The following CD6 variants were observed in gnomAD, a reference collection of about 807,000 sequenced individuals.
CD6 encodes the protein T-cell differentiation antigen CD6.
In CD6, 53 loss-of-function variants were observed where a neutral mutation model predicts 75.3. The observed-to-expected ratio is 0.70, with a 90% CI of 0.56 to 0.88. The LOEUF (loss-of-function observed/expected upper bound fraction) is 0.88. CD6 is among the 40% of genes least tolerant of loss of function. The probability of loss-of-function intolerance (pLI) is 0.00; values close to 1 mark genes in which losing one functional copy is unlikely to be tolerated. For synonymous variants in CD6, 359 were observed against 381.5 expected (o/e 0.94, Z 0.69); for missense variants, 770 against 897.1 (o/e 0.86, Z 1.81).
intron 1 of CD6, among the ~76,000 whole-genome samples, chr11:60,993,642 T>C (rs866015535): frequency 6.6e-6 from 1 of 152,162 alleles, no homozygotes; most frequent in Non-Finnish European, 1.5e-5. Flanking sequence ...TCAGCAGAGA[T>C]GGGTTTAGAT....
At position 61,009,804 on chromosome 11, in the gene CD6, C is replaced by T; in HGVS notation, c.1014C>T (p.Ser338=). 6.2e-7 allele frequency: 1 copy of T among 1,607,134 alleles called. No homozygotes were observed. The highest frequency in any genetic ancestry group is 1.1e-5 in the South Asian group (1 of 90,070). Residue 338 remains serine, a synonymous_variant, in exon 5 of 13, where the codon TCC becomes TCT. Coordinates refer to ENST00000313421, the MANE Select transcript of CD6 (RefSeq NM_006725.5). The stretch of plus-strand genomic sequence containing the variant: ...GCAATGGGGAGGAGCTCACCCTCTC[C>T]AACTGCTCCTGGCGGTTCAACAACT... The part of the protein sequence containing the change: ...YSCNGEELTL[S]NCSWRFNNSN...
chr11:60,982,224 G>A (rs1021395452), intron 1 of CD6, among the ~76,000 whole-genome samples: 2 of 138,644 alleles, frequency 1.4e-5, no homozygotes, highest in African/African-American at 5.2e-5. Context: ...TCCCATCTGA[G>A]GACCTCACTT....
intron 1 of CD6, among the ~76,000 whole-genome samples, chr11:60,988,922 C>G (rs533516532): frequency 6.6e-6 from 1 of 152,312 alleles, no homozygotes; most frequent in African/African-American, 2.4e-5. Flanking sequence ...CTCCCCTCCT[C>G]ACTCCCCTCC....
Position 61,007,766 on chromosome 11 carries a change from G to A in CD6, c.325G>A (p.Ala109Thr). The A allele has an allele frequency of 2.1e-6, 3 of 1,461,862 alleles. No homozygotes were observed. The highest frequency in any genetic ancestry group is 5.1e-5 in the Admixed American group (2 of 39,566). 90.6% of individuals were successfully genotyped at this position (1,461,862 alleles called of 1,614,324 possible). ...GACCCCTGAGCTGCCGCCCCCGCCT[G>A]CAGCCGGGAACACCAGCGTAGCAGC... ...PPTPELPPPP[A>T]AGNTSVAANA... The change falls in exon 3 of 13, where the codon GCA (alanine) becomes ACA (threonine). Residue 109 changes from alanine to threonine, a missense_variant. Coordinates refer to ENST00000313421, the MANE Select transcript of CD6 (RefSeq NM_006725.5). This position sits in a 1 kb window ranked among gnomAD's most constrained non-coding sequence, Gnocchi z 4.2.
chr11:61,010,721 A>C (rs1859099406), intron 5 of CD6, among the ~76,000 whole-genome samples: 1 of 152,218 alleles, frequency 6.6e-6, no homozygotes, highest in African/African-American at 2.4e-5. Context: ...CGATTATGAT[A>C]ATGAAGATAA....
At chr11:60,981,760 G>A (rs1219022225) in intron 1 of CD6, among the ~76,000 whole-genome samples, 3 of 152,190 alleles carry the variant, frequency 2.0e-5, no homozygotes, top group Non-Finnish European at 4.4e-5. Flanking sequence ...CCTGCAGCCC[G>A]AACGCCTTCT....
intron 1 of CD6, among the ~76,000 whole-genome samples, chr11:61,005,800 G>T (rs181031239): frequency 6.6e-6 from 1 of 151,982 alleles, no homozygotes; most frequent in East Asian, 1.9e-4. Flanking sequence ...GCGTGGTGGC[G>T]CATGCCTGTA....
intron 1 of CD6, among the ~76,000 whole-genome samples, chr11:60,992,722 G>A (rs1410314179): frequency 6.6e-6 from 1 of 151,976 alleles, no homozygotes; most frequent in Non-Finnish European, 1.5e-5. Flanking sequence ...CAGCTATTAG[G>A]GAGACTGAGG....
chr11:61,018,124 C>A, intron 11 of CD6, 111 bp downstream of exon 11: 1 of 1,408,828 alleles, frequency 7.1e-7, no homozygotes, highest in Non-Finnish European at 9.7e-7. Flanking sequence ...AGTTCCGCAG[C>A]CATTCGCTGT....
chr11:60,973,886 C>T (rs774167074), intron 1 of CD6, among the ~76,000 whole-genome samples: 1 of 152,148 alleles, frequency 6.6e-6, no homozygotes, highest in Non-Finnish European at 1.5e-5. Flanking sequence ...GAAGACTGCA[C>T]CTTCAAGCAG....
rs188333072 is a variant in CD6 at position 61,011,331 on chromosome 11, A to C, written c.1150+196A>C. 5.8e-4 allele frequency among the ~76,000 whole-genome samples: 88 copies of C among 152,148 alleles called. 1 individual carries two copies. The highest frequency in any genetic ancestry group is 2.1e-3 in the African/African-American group (86 of 41,512). ...CTCCTTCTACATCCCCTCCTTGCCA[A>C]GTCAGCCCATAGATCACTGAGTCCT... On this transcript the variant is annotated intron_variant, in intron 6 of 12. Transcript: ENST00000313421.
At chr11:61,004,729 C>G (rs1565154594) in intron 1 of CD6, 1 of 152,242 alleles carries the variant, frequency 6.6e-6, no homozygotes, top group African/African-American at 2.4e-5. Context: ...AAGGACACCC[C>G]CAAATCTTCA....
intron 1 of CD6, among the ~76,000 whole-genome samples, chr11:60,986,207 T>A (rs1315441808): frequency 1.3e-5 from 2 of 152,194 alleles, no homozygotes; most frequent in Non-Finnish European, 2.9e-5. Flanking sequence ...TTAGAAGGAA[T>A]GCAAAGAGAG....
chr11:60,991,158 T>TTC, intron 1 of CD6, among the ~76,000 whole-genome samples: 1 of 146,088 alleles, frequency 6.8e-6, no homozygotes, highest in East Asian at 2.0e-4. Flanking sequence ...TCTTTTTTTT[T>TTC]TTTTTTTTTG....
rs1186482280 is a variant in CD6, at chr11:60,986,626, A to G, written c.49+14712A>G. ...TTCCGAGAAACACTTGTGGGTTTGT[A>G]GACTCTATGGCATCTGGAAGTGAAA... On this transcript the variant is annotated intron_variant, in intron 1 of 12. Transcript: ENST00000313421. Among the ~76,000 whole-genome samples the G allele has an allele frequency of 2.0e-5, 3 of 152,204 alleles. No individual in the cohort carries two copies. The East Asian group carries it at 5.8e-4, about 29-fold the overall frequency.
chr11:61,017,701 C>G, intron 10 of CD6, 58 bp from the exon 11 acceptor site: 1 of 1,609,920 alleles, frequency 6.2e-7, no homozygotes, highest in African/African-American at 1.3e-5. Flanking sequence ...TGAAGTCTGA[C>G]TTAAAGCCCT....
At chr11:60,999,175 A>G (rs1279908025) in intron 1 of CD6, among the ~76,000 whole-genome samples, 1 of 152,014 alleles carries the variant, frequency 6.6e-6, no homozygotes, top group Admixed American at 6.6e-5. Flanking sequence ...AAAGAGCAAG[A>G]AGGAAGGAAG....
In CD6 at chr11:60,971,799, A is replaced by C. The variant is rs1590656908; in HGVS notation, c.-67A>C. The C allele has an allele frequency of 2.6e-6, 4 of 1,531,428 alleles. No homozygotes were observed. The highest frequency in any genetic ancestry group is 3.6e-6 in the Non-Finnish European group (4 of 1,112,434). 94.9% of individuals were successfully genotyped at this position (1,531,428 alleles called of 1,614,324 possible). ...CCAGGGGCGCACAACGGCCGTGTCC[A>C]CCTCCCGGCCCCAAGATGGTGCTTC... On this transcript the variant is annotated 5_prime_UTR_variant, in exon 1 of 13. Transcript: ENST00000313421.
intron 1 of CD6, among the ~76,000 whole-genome samples, chr11:60,973,144 C>A (rs1221630952): frequency 2.0e-5 from 3 of 152,228 alleles, no homozygotes; most frequent in Non-Finnish European, 4.4e-5. Context: ...TTTTCCCCAA[C>A]CCAGGGCTTC....
Sources: allele counts gnomAD v4.1 joint callset (sites outside exome capture counted in the v4.1 genomes callset), GRCh38; gene constraint gnomAD v4.1.1; non-coding constraint Gnocchi (gnomAD v3.1); transcripts MANE v1.5; gene names NCBI Gene and HGNC (gene_info 2026-07-23, HGNC 2026-07-21).